UFSP2: variants seen among roughly 807,000 people sequenced by gnomAD.
UFSP2 encodes the protein ufm1-specific protease 2.
In UFSP2, 43 loss-of-function variants were observed where a neutral mutation model predicts 60.2. The ratio of observed to expected loss-of-function variants is 0.71; its 90% confidence interval spans 0.56 to 0.92. The LOEUF (loss-of-function observed/expected upper bound fraction) is 0.92, where lower values mean the gene tolerates loss of function less well. Ranked by LOEUF, UFSP2 falls within the 40% of genes least tolerant of loss-of-function variation. The pLI is 0.00. For missense variants in UFSP2, 520 were observed against 575.0 expected, an observed-to-expected ratio of 0.90 and a Z score of 0.98; for synonymous variants, 183 against 195.1, an observed-to-expected ratio of 0.94 and a Z score of 0.52.
In UFSP2 at chr4:185,421,407, T is replaced by C. The variant is rs867691777; in HGVS notation, c.82+1078A>G. Among the ~76,000 whole-genome samples the C allele has an allele frequency of 8.5e-5, 13 of 152,188 alleles. 1 individual carries two copies. The highest frequency in any genetic ancestry group is 5.9e-4 in the Admixed American group (9 of 15,274). On this transcript the variant is annotated intron_variant, in intron 2 of 11. Transcript: ENST00000264689. ...TGAAGTGGGGCCTGGTGGGAGGTGT[T>C]TGAATCATGATCCCTCATGAATGGC... is the stretch of plus-strand genomic sequence containing the variant.
At position 185,400,483 on chromosome 4, in the gene UFSP2, A is replaced by G. The variant is rs779570982; in HGVS notation, c.1324-5T>C. On this transcript the variant is annotated splice_region_variant and splice_polypyrimidine_tract_variant and intron_variant, in intron 11 of 11. Coordinates refer to ENST00000264689, the MANE Select transcript of UFSP2 (RefSeq NM_018359.5). ...GCCCTTCCATCCGCACCAGCCCTGGATAGAGAAGACGGGAAAGGAAAGCCT... is the reference window on the plus strand; with the variant it reads ...GCCCTTCCATCCGCACCAGCCCTGGGTAGAGAAGACGGGAAAGGAAAGCCT... The G allele has an allele frequency of 3.7e-6, 6 of 1,609,106 alleles. No homozygotes were observed. Among genetic ancestry groups the G allele is most frequent in the Admixed American group, 1.7e-5 (1 of 59,296 alleles).
At chr4:185,423,150 C>T (rs560802149) in intron 1 of UFSP2, among the ~76,000 whole-genome samples, 45 of 152,324 alleles carry the variant, frequency 3.0e-4, no homozygotes, top group African/African-American at 8.2e-4. Context: ...TGAGCCACCG[C>T]GCCCAGCTGG....
At chr4:185,400,557 G>T in intron 11 of UFSP2, 79 bp from the exon 12 acceptor site, 1 of 1,044,870 alleles carries the variant, frequency 9.6e-7, no homozygotes, top group Non-Finnish European at 1.5e-6. Context: ...ATCAGGCTCT[G>T]TCAGCAGGAC....
At position 185,399,685 on chromosome 4, in the gene UFSP2, C is replaced by T. The variant is rs1293538771; in HGVS notation, c.*707G>A. ...TATGCAGACAATAAAAGCAAGTGAACACCCTGACAGGAATGATTGTGTTGC... is the reference window on the plus strand; with the variant it reads ...TATGCAGACAATAAAAGCAAGTGAATACCCTGACAGGAATGATTGTGTTGC... On this transcript the variant is annotated 3_prime_UTR_variant, in exon 12 of 12. Coordinates refer to ENST00000264689, the MANE Select transcript of UFSP2 (RefSeq NM_018359.5). 2.5e-6 allele frequency: 4 copies of T among 1,614,038 alleles called. No individual in the cohort carries two copies. The highest frequency in any genetic ancestry group is 2.7e-5 in the African/African-American group (2 of 74,914).
rs1261826175 is a variant in UFSP2 at position 185,413,865 on chromosome 4, T to C, written c.692A>G (p.His231Arg). ...GTCGTGAGGCAGATTGAAAAGATCATGTAACTCCTAAAATAAATCAGAATC... is the reference window on the plus strand; with the variant it reads ...GTCGTGAGGCAGATTGAAAAGATCACGTAACTCCTAAAATAAATCAGAATC... The part of the protein sequence containing the change: ...GQLQAYRKEL[H>R]DLFNLPHDRP... Residue 231 changes from histidine (H) to arginine (R), a missense_variant, in exon 7 of 12, where the codon CAT becomes CGT. Transcript: ENST00000264689. The C allele has an allele frequency of 3.1e-6, 5 of 1,600,598 alleles. No homozygotes were observed. Among genetic ancestry groups the C allele is most frequent in the African/African-American group, 1.3e-5 (1 of 74,388 alleles).
chr4:185,412,209 A>G (rs532811824), intron 7 of UFSP2, among the ~76,000 whole-genome samples: 1 of 152,358 alleles, frequency 6.6e-6, no homozygotes, highest in East Asian at 1.9e-4. Flanking sequence ...ACCTTGTAAT[A>G]CAGATATAAT....
Position 185,399,755 on chromosome 4 carries a change from G to C in UFSP2, c.*637C>G. 1.9e-6 allele frequency: 3 copies of C among 1,614,112 alleles called. No individual in the cohort carries two copies. The highest frequency in any genetic ancestry group is 2.2e-5 in the South Asian group (2 of 91,074). ...AGTCTCGGAAGTGTAGAAAATACCA[G>C]TGGGAAAAGGAAGTGCTGGTAAGTA... On this transcript the variant is annotated 3_prime_UTR_variant, in exon 12 of 12. Transcript: ENST00000264689.
intron 11 of UFSP2, among the ~76,000 whole-genome samples, chr4:185,400,930 A>AT (rs1475785949): frequency 1.3e-5 from 2 of 152,160 alleles, no homozygotes; most frequent in African/African-American, 4.8e-5. Context: ...GTGCCCTTTC[A>AT]TTTTCAAATT....
intron 1 of UFSP2, among the ~76,000 whole-genome samples, chr4:185,425,469 C>T (rs2095557847): frequency 6.6e-6 from 1 of 152,138 alleles, no homozygotes; most frequent in Admixed American, 6.5e-5. Flanking sequence ...ATTGGAGAAC[C>T]TTGCTGAGCA....
chr4:185,415,613 G>GA (rs1321675739), intron 5 of UFSP2, 97 bp downstream of exon 5: 10 of 1,141,824 alleles, frequency 8.8e-6, no homozygotes, highest in South Asian at 1.7e-5. Context: ...TAAACAAGGA[G>GA]AAAATCACAC....
chr4:185,404,930 C>CGTGAGCTACTGGGCCCGGCCTA (rs1202954875), intron 10 of UFSP2, among the ~76,000 whole-genome samples: 4 of 151,716 alleles, frequency 2.6e-5, no homozygotes, highest in African/African-American at 9.7e-5. Context: ...AGGAGTCAGG[C>CGTGAGCTACTGGGCCCGGCCTA]GTGAGCTACT....
chr4:185,406,064 G>T, intron 9 of UFSP2: 1 of 1,090,832 alleles, frequency 9.2e-7, no homozygotes, highest in Non-Finnish European at 1.3e-6. Flanking sequence ...AGGCCACCAA[G>T]TGTGCTAGAT....
chr4:185,400,631 G>C, intron 11 of UFSP2, 153 bp from the exon 12 acceptor site: 2 of 498,814 alleles, frequency 4.0e-6, no homozygotes, highest in Non-Finnish European at 7.2e-6. Context: ...GCATAGAAAA[G>C]TAACGTATCT....
chr4:185,422,783 TG>T (rs2095551807), intron 1 of UFSP2, among the ~76,000 whole-genome samples: 1 of 152,214 alleles, frequency 6.6e-6, no homozygotes, highest in African/African-American at 2.4e-5. Context: ...TGAAATCACC[TG>T]GGGAGCTTGA....
chr4:185,403,034 C>T lies in UFSP2; in HGVS notation c.1323+460G>A, dbSNP rs554867433. 8.6e-4 allele frequency among the ~76,000 whole-genome samples: 131 copies of T among 152,284 alleles called. 1 individual carries two copies. Among genetic ancestry groups the T allele is most frequent in the African/African-American group, 2.9e-3 (122 of 41,558 alleles). On this transcript the variant is annotated intron_variant, in intron 11 of 11. Coordinates refer to ENST00000264689, the MANE Select transcript of UFSP2 (RefSeq NM_018359.5). Reference sequence around the variant, plus strand: ...AAGAATACTCTTAAATATGTATCAACTTCAAACCCTTTATAGAATGAGATT... The same window carrying T: ...AAGAATACTCTTAAATATGTATCAATTTCAAACCCTTTATAGAATGAGATT...
rs144106328 is a variant in UFSP2, at chr4:185,408,354, G to A, written c.913C>T (p.Arg305Ter). The A allele has an allele frequency of 1.2e-5, 19 of 1,613,966 alleles. No homozygotes were observed. The African/African-American group carries it at 2.0e-4, about 17-fold the overall frequency. Residue 305 changes from arginine to a stop codon, truncating the protein, a stop_gained, in exon 8 of 12, where the codon CGA becomes TGA. Coordinates refer to ENST00000264689, the MANE Select transcript of UFSP2 (RefSeq NM_018359.5). LOFTEE classifies it high-confidence loss of function. ...CAAGAGCAGATAGTCTGCAGAGATC[G>A]ATAAGCACAGCCCCAGCCATTGTCA... ...IDDNGWGCAY[R>*]SLQTICSWFK... is the part of the protein sequence containing the mutation.
In UFSP2 at chr4:185,400,169, T is replaced by C; in HGVS notation, c.*223A>G. On this transcript the variant is annotated 3_prime_UTR_variant, in exon 12 of 12. Coordinates refer to ENST00000264689, the MANE Select transcript of UFSP2 (RefSeq NM_018359.5). ...AAGTGAAGATCCATTTAAGAACACA[T>C]GTATTTACATGCCTATAATATGCTG... 1 of 752,812 alleles carries C rather than the reference T, an allele frequency of 1.3e-6. No individual in the cohort carries two copies. Among genetic ancestry groups the C allele is most frequent in the Non-Finnish European group, 2.1e-6 (1 of 466,992 alleles). The allele number at this position is 752,812 out of a possible 1,614,324, so 46.6% of individuals were successfully genotyped here.
chr4:185,402,387 A>C (rs1580047669), intron 11 of UFSP2: 2 of 446,184 alleles, frequency 4.5e-6, no homozygotes, highest in South Asian at 3.2e-5. Flanking sequence ...AAACTGTAAC[A>C]ACACATTTCT....
chr4:185,411,204 C>A (rs2095528803), intron 7 of UFSP2, among the ~76,000 whole-genome samples: 1 of 150,492 alleles, frequency 6.6e-6, no homozygotes, highest in Admixed American at 6.6e-5. Context: ...TATATTAAAA[C>A]CTAGGTAAAT....
Sources: gnomAD v4.1 joint callset for allele counts (sites outside exome capture counted in the v4.1 genomes callset) on GRCh38, gnomAD v4.1.1 for gene constraint, MANE v1.5 for transcripts, NCBI Gene and HGNC (gene_info 2026-07-23, HGNC 2026-07-21) for gene names.